Variants in PPP2R2B observed in about 807,000 individuals in gnomAD.
The protein encoded by PPP2R2B is protein phosphatase 2 regulatory subunit Bbeta, also known as serine/threonine-protein phosphatase 2A 55 kDa regulatory subunit B beta isoform.
PPP2R2B carries 5 observed loss-of-function variants against 46.0 expected under a neutral mutation model. That is an observed-to-expected ratio of 0.11 (90% confidence interval 0.06 to 0.23). The LOEUF (loss-of-function observed/expected upper bound fraction) is 0.23, where lower values mean the gene tolerates loss of function less well. Among genes scored for constraint, PPP2R2B ranks in the 10% least tolerant of loss-of-function variants. The probability of loss-of-function intolerance (pLI) is 1.00; values close to 1 mark genes in which losing one functional copy is unlikely to be tolerated. For synonymous variants in PPP2R2B, 215 were observed against 206.7 expected, an observed-to-expected ratio of 1.04 and a Z score of -0.34; for missense variants, 367 against 575.0, an observed-to-expected ratio of 0.64 and a Z score of 3.70.
At position 146,580,919 on chromosome 5, in the gene PPP2R2B, T is replaced by A. The variant is rs1769863662; in HGVS notation, c.*9028A>T. ...AAGAGCTTCTTTGAGTCATGATCCA[T>A]GCCTGAAATGGTATTTCATTTTGTA... On this transcript the variant is annotated 3_prime_UTR_variant, in exon 10 of 10. Transcript: ENST00000394411. Among the ~76,000 whole-genome samples, 4 of 152,146 alleles carry A rather than the reference T, an allele frequency of 2.6e-5. 1 individual carries two copies. In the South Asian group the frequency reaches 8.3e-4, roughly 32 times the overall value.
At chr5:146,713,472 C>T (rs1780318428) in intron 2 of PPP2R2B, among the ~76,000 whole-genome samples, 1 of 152,006 alleles carries the variant, frequency 6.6e-6, no homozygotes, top group African/African-American at 2.4e-5. Flanking sequence ...GTACATTTTA[C>T]AACAAAAAAG....
chr5:146,867,108 T>C lies in PPP2R2B; in HGVS notation c.70+10894A>G, dbSNP rs1039419565. Among the ~76,000 whole-genome samples, 9 of 152,218 alleles carry C rather than the reference T, an allele frequency of 5.9e-5. No individual in the cohort carries two copies. In the East Asian group the frequency reaches 1.7e-3, roughly 29 times the overall value. On this transcript the variant is annotated intron_variant, in intron 2 of 9. Coordinates refer to ENST00000394411, the MANE Select transcript of PPP2R2B (RefSeq NM_181675.4). ...TGTTAAAAGGAGGATGATTGTTTCA[T>C]ATGAAAAGTCAGTTGAAGAATTTCA...
intron 1 of PPP2R2B, among the ~76,000 whole-genome samples, chr5:146,967,523 G>C (rs116117175): frequency 6.6e-6 from 1 of 152,120 alleles, no homozygotes; most frequent in Admixed American, 6.6e-5. Context: ...AAACCAGAGC[G>C]CTGGTTTGAA....
Position 146,878,519 on chromosome 5 carries a change from G to T in PPP2R2B, c.-125+72C>A. The T allele has an allele frequency of 7.8e-7, 1 of 1,286,688 alleles. No homozygotes were observed. Among genetic ancestry groups the T allele is most frequent in the Non-Finnish European group, 1.0e-6 (1 of 1,003,646 alleles). 79.7% of individuals were successfully genotyped at this position (1,286,688 alleles called of 1,614,324 possible). The stretch of plus-strand genomic sequence containing the variant: ...CCTCCTCCCCCTGGGAGAGCGGGCA[G>T]CCGCGACAAAATGGTGCCTTTCTGG... On this transcript the variant is annotated intron_variant, in intron 1 of 9. Transcript: ENST00000394411. This position sits in a 1 kb window ranked among gnomAD's most constrained non-coding sequence, Gnocchi z 4.5.
intron 1 of PPP2R2B, chr5:146,919,396 C>T (rs1171762653): frequency 6.6e-6 from 1 of 152,124 alleles, no homozygotes; most frequent in Non-Finnish European, 1.5e-5. Context: ...GTTTACCTCC[C>T]CAAAATCTGG....
In PPP2R2B at chr5:146,826,657, T is replaced by C. The variant is rs140065244; in HGVS notation, c.70+51345A>G. Among the ~76,000 whole-genome samples the C allele has an allele frequency of 2.0e-5, 3 of 152,242 alleles. No individual in the cohort carries two copies. In the East Asian group the frequency reaches 5.8e-4, roughly 29 times the overall value. On this transcript the variant is annotated intron_variant, in intron 2 of 9. Transcript: ENST00000394411. The stretch of plus-strand genomic sequence containing the variant: ...TCAATTAAAATGCATTCTGGTGGCG[T>C]TTTCAAAACTCAGCAACTTTAATAA...
intron 2 of PPP2R2B, among the ~76,000 whole-genome samples, chr5:146,843,381 T>C (rs1051908775): frequency 6.6e-6 from 1 of 152,168 alleles, no homozygotes; most frequent in Admixed American, 6.5e-5. Context: ...TAATGTATAA[T>C]ATAAAACAAC....
chr5:146,995,449 T>C (rs757330948), intron 1 of PPP2R2B, among the ~76,000 whole-genome samples: 2 of 152,214 alleles, frequency 1.3e-5, no homozygotes, highest in Non-Finnish European at 2.9e-5. Context: ...GGCTCTGCCT[T>C]ATAAGAACTG....
chr5:146,907,294 A>T (rs1763031491), intron 1 of PPP2R2B, among the ~76,000 whole-genome samples: 1 of 152,206 alleles, frequency 6.6e-6, no homozygotes, highest in Non-Finnish European at 1.5e-5. Flanking sequence ...GATTATTACA[A>T]CTACGTATTT....
At chr5:146,738,917 C>T (rs1752703688) in intron 2 of PPP2R2B, among the ~76,000 whole-genome samples, 1 of 152,116 alleles carries the variant, frequency 6.6e-6, no homozygotes, top group African/African-American at 2.4e-5. Flanking sequence ...TAGTCCCTGC[C>T]ATTGAGGATA....
chr5:146,908,578 G>A (rs1342106159), intron 1 of PPP2R2B, among the ~76,000 whole-genome samples: 1 of 149,392 alleles, frequency 6.7e-6, no homozygotes, highest in African/African-American at 2.5e-5. Context: ...GAGACACTAA[G>A]GGCTCCATTA....
At chr5:146,730,788 C>T (rs1354980037) in intron 2 of PPP2R2B, among the ~76,000 whole-genome samples, 1 of 152,102 alleles carries the variant, frequency 6.6e-6, no homozygotes, top group Non-Finnish European at 1.5e-5. Flanking sequence ...TCTTTTTATT[C>T]CTAGTCTTGG....
intron 2 of PPP2R2B, among the ~76,000 whole-genome samples, chr5:146,807,648 C>T (rs1418848197): frequency 6.6e-6 from 1 of 152,106 alleles, no homozygotes; most frequent in East Asian, 1.9e-4. Context: ...ATGTAACTTG[C>T]CCAAATTCCA....
At chr5:146,974,744 C>T (rs1452031976) in intron 1 of PPP2R2B, among the ~76,000 whole-genome samples, 4 of 147,314 alleles carry the variant, frequency 2.7e-5, no homozygotes, top group Non-Finnish European at 5.9e-5. Flanking sequence ...GGCTGGAGTG[C>T]AGTGTAGCAA....
chr5:146,590,268 C>A (rs1178797659), intron 9 of PPP2R2B, 42 bp from the exon 10 acceptor site: 2 of 1,479,174 alleles, frequency 1.4e-6, no homozygotes, highest in Non-Finnish European at 1.8e-6. Flanking sequence ...TCTTCACTGT[C>A]TTTTCTTTTT....
chr5:146,773,424 A>G (rs1244598539), intron 2 of PPP2R2B, among the ~76,000 whole-genome samples: 1 of 152,174 alleles, frequency 6.6e-6, no homozygotes, highest in East Asian at 1.9e-4. Context: ...ACTGTGGTTT[A>G]TTATGATCTA....
rs1331962083 is a variant in PPP2R2B, at chr5:146,585,583, T to A, written c.*4364A>T. 6.6e-6 allele frequency: 1 copy of A among 152,176 alleles called. No individual in the cohort carries two copies. Among genetic ancestry groups the A allele is most frequent in the Non-Finnish European group, 1.5e-5 (1 of 68,040 alleles). The allele number at this position is 152,176 out of a possible 1,614,324, so 9.4% of individuals were successfully genotyped here. On this transcript the variant is annotated 3_prime_UTR_variant, in exon 10 of 10. Transcript: ENST00000394411. Reference sequence around the variant, plus strand: ...TGGCTTTAGAGTCAGATACCTTGAGTTGGAGTCCTGGTTCCATCTCTCTCG... The same window carrying A: ...TGGCTTTAGAGTCAGATACCTTGAGATGGAGTCCTGGTTCCATCTCTCTCG...
At chr5:146,879,746 T>C (rs577687834), upstream of PPP2R2B, among the ~76,000 whole-genome samples, 12 of 152,308 alleles carry the variant, frequency 7.9e-5, no homozygotes, top group South Asian at 2.3e-3. Flanking sequence ...ACCAAAAACA[T>C]TTAATGAAGC....
At chr5:146,927,823 T>C (rs1262376432) in intron 1 of PPP2R2B, among the ~76,000 whole-genome samples, 1 of 148,354 alleles carries the variant, frequency 6.7e-6, no homozygotes, top group African/African-American at 2.5e-5. Flanking sequence ...AACCTCTGCC[T>C]CCTGGGTTCA....
Sources: gnomAD v4.1 joint callset for allele counts (sites outside exome capture counted in the v4.1 genomes callset) on GRCh38, gnomAD v4.1.1 for gene constraint, Gnocchi (gnomAD v3.1) non-coding constraint, MANE v1.5 for transcripts, NCBI Gene and HGNC (gene_info 2026-07-23, HGNC 2026-07-21) for gene names.